POLA1: variants seen among roughly 807,000 people sequenced by gnomAD.
POLA1 encodes the protein DNA polymerase alpha catalytic subunit.
Under a neutral mutation model 124.0 loss-of-function variants are expected in POLA1, and 15 were observed. The ratio of observed to expected loss-of-function variants is 0.12; its 90% CI spans 0.08 to 0.19. The LOEUF (loss-of-function observed/expected upper bound fraction) is 0.19, where lower values mean the gene tolerates loss of function less well. Ranked by LOEUF, POLA1 falls within the 10% of genes least tolerant of loss-of-function variation. POLA1 has a pLI of 1.00. For synonymous variants in POLA1, 408 were observed against 389.4 expected (o/e 1.05, Z -0.56); for missense variants, 886 against 1,103.4 (o/e 0.80, Z 2.79).
intron 26 of POLA1, among the ~76,000 whole-genome samples, chrX:24,804,456 T>C (rs1318091464): frequency 1.8e-5 from 2 of 112,019 alleles, no homozygotes; most frequent in Admixed American, 1.9e-4. Flanking sequence ...TAATGTATTG[T>C]TTAATTTCCA....
At chrX:24,788,222 A>G (rs1052181210) in intron 26 of POLA1, among the ~76,000 whole-genome samples, 4 of 111,735 alleles carry the variant, frequency 3.6e-5, no homozygotes, top group African/African-American at 1.3e-4. Context: ...CCTCAACACA[A>G]TAAAGGCCAT....
At chrX:24,934,413 G>A (rs1452846068) in intron 36 of POLA1, among the ~76,000 whole-genome samples, 1 of 111,955 alleles carries the variant, frequency 8.9e-6, no homozygotes, top group Admixed American at 9.4e-5. Context: ...AACTAAGTGT[G>A]GTATGGCCTG....
At chrX:24,983,788 G>A (rs2048448837) in intron 36 of POLA1, among the ~76,000 whole-genome samples, 1 of 111,742 alleles carries the variant, frequency 8.9e-6, no homozygotes, top group Non-Finnish European at 1.9e-5. Flanking sequence ...AATCCATTGT[G>A]TAGATCGTCC....
intron 36 of POLA1, among the ~76,000 whole-genome samples, chrX:24,963,970 T>G (rs1246390559): frequency 9.0e-6 from 1 of 111,480 alleles, no homozygotes; most frequent in East Asian, 2.8e-4. Flanking sequence ...TACTCTTAAG[T>G]TTTTCCCTAG....
chrX:24,769,504 T>A (rs2044981136), intron 26 of POLA1, among the ~76,000 whole-genome samples: 1 of 111,604 alleles, frequency 9.0e-6, no homozygotes, highest in African/African-American at 3.3e-5. Context: ...GTCAGGAGGT[T>A]GGTCATCTTC....
chrX:24,898,267 A>T (rs961398076), intron 35 of POLA1, among the ~76,000 whole-genome samples: 1 of 112,033 alleles, frequency 8.9e-6, no homozygotes, highest in African/African-American at 3.2e-5. Flanking sequence ...TGCCTTTCAG[A>T]TGGAAACGGG....
intron 4 of POLA1, among the ~76,000 whole-genome samples, chrX:24,705,757 G>C (rs1031064739): frequency 9.1e-6 from 1 of 110,019 alleles, no homozygotes; most frequent in African/African-American, 3.3e-5. Context: ...AAGGGACCAG[G>C]CTGTTTGTTT....
intron 29 of POLA1, 52 bp downstream of exon 29, chrX:24,812,915 G>A (rs763282761): frequency 1.3e-6 from 1 of 757,091 alleles, no homozygotes; most frequent in African/African-American, 2.1e-5. Flanking sequence ...AAAAATTCAG[G>A]TGTGAATGAT....
At chrX:24,971,643 A>T in intron 36 of POLA1, among the ~76,000 whole-genome samples, 1 of 111,920 alleles carries the variant, frequency 8.9e-6, no homozygotes, top group East Asian at 2.8e-4. Flanking sequence ...GGCACCTGTG[A>T]CTCTGTTTTC....
chrX:24,901,609 T>C (rs1267724961), intron 35 of POLA1, among the ~76,000 whole-genome samples: 3 of 111,327 alleles, frequency 2.7e-5, no homozygotes, highest in Non-Finnish European at 5.7e-5. Flanking sequence ...AGTTGACTGC[T>C]TTGACTGCTG....
At chrX:24,772,662 G>C (rs1272636656) in intron 26 of POLA1, among the ~76,000 whole-genome samples, 1 of 110,985 alleles carries the variant, frequency 9.0e-6, no homozygotes, top group Non-Finnish European at 1.9e-5. Flanking sequence ...CTGTTACTCT[G>C]TTAGTTTGCT....
At position 24,968,500 on chromosome X, in the gene POLA1, C is replaced by T. The variant is rs759082329; in HGVS notation, c.4262-27305C>T. On this transcript the variant is annotated intron_variant, in intron 36 of 36. Coordinates refer to ENST00000379068, the MANE Select transcript of POLA1 (RefSeq NM_001330360.2). The stretch of plus-strand genomic sequence containing the variant: ...GGATCACAAGGTCAGGAGATTGAGA[C>T]CATCCTGGCTAACACGGTGAAACCC... Among the ~76,000 whole-genome samples the T allele has an allele frequency of 2.8e-4, 31 of 110,631 alleles. No homozygotes were observed. The South Asian group carries it at 7.4e-3, about 26-fold the overall frequency.
intron 26 of POLA1, among the ~76,000 whole-genome samples, chrX:24,770,999 T>C (rs1288718259): frequency 9.0e-6 from 1 of 111,366 alleles, no homozygotes; most frequent in Non-Finnish European, 1.9e-5. Flanking sequence ...TCAAGATAAG[T>C]GAAAAAAATT....
At chrX:24,832,566 G>A (rs1048430505) in intron 32 of POLA1, among the ~76,000 whole-genome samples, 3 of 111,549 alleles carry the variant, frequency 2.7e-5, no homozygotes, top group African/African-American at 9.8e-5. Context: ...GGAAAATTGC[G>A]GATTTCTCAA....
At chrX:24,883,086 A>G (rs1022690503) in intron 34 of POLA1, among the ~76,000 whole-genome samples, 1 of 111,620 alleles carries the variant, frequency 9.0e-6, no homozygotes, top group Admixed American at 9.5e-5. Flanking sequence ...TTTGATTTGC[A>G]TCTCTCTGAT....
At chrX:24,710,531 A>G (rs1346008665) in intron 4 of POLA1, among the ~76,000 whole-genome samples, 1 of 111,682 alleles carries the variant, frequency 9.0e-6, no homozygotes, top group Non-Finnish European at 1.9e-5. Flanking sequence ...GTTGATGGAC[A>G]TTTGGATTGT....
rs1204747448 is a variant in POLA1, at chrX:24,726,913, T to C, written c.1393-20T>C. 1.8e-6 allele frequency: 2 copies of C among 1,115,637 alleles called. No homozygotes were observed. Among genetic ancestry groups the C allele is most frequent in the Non-Finnish European group, 1.2e-6 (1 of 836,577 alleles). The allele number at this position is 1,115,637 out of a possible 1,213,427, so 91.9% of individuals were successfully genotyped here. A position where few individuals can be genotyped will look rare whatever the true frequency, so the allele number is the denominator to read the frequency against. The stretch of plus-strand genomic sequence containing the variant: ...TAATAGTTTTAAACAAAAAGATTCT[T>C]TTTTTTTTTCCTTTTTCAGGCTGAA... On this transcript the variant is annotated intron_variant, in intron 13 of 36. Coordinates refer to ENST00000379068, the MANE Select transcript of POLA1 (RefSeq NM_001330360.2).
chrX:24,900,783 G>T (rs2047268464), intron 35 of POLA1, among the ~76,000 whole-genome samples: 1 of 111,579 alleles, frequency 9.0e-6, no homozygotes, highest in African/African-American at 3.3e-5. Flanking sequence ...GTACTGAATG[G>T]TGGAAACTGA....
chrX:24,862,929 C>T (rs1293244055), intron 34 of POLA1, among the ~76,000 whole-genome samples: 1 of 111,870 alleles, frequency 8.9e-6, no homozygotes, highest in East Asian at 2.8e-4. Flanking sequence ...AACAAGGCAC[C>T]AGTGTAATGA....
Sources: gnomAD v4.1 joint callset for allele counts (sites outside exome capture counted in the v4.1 genomes callset) on GRCh38, gnomAD v4.1.1 for gene constraint, MANE v1.5 for transcripts, NCBI Gene and HGNC (gene_info 2026-07-23, HGNC 2026-07-21) for gene names.